The following CEP152 variants were observed in gnomAD, a reference collection of about 807,000 sequenced individuals.
The protein encoded by CEP152 is centrosomal protein 152, also known as centrosomal protein of 152 kDa.
In CEP152, 132 loss-of-function variants were observed where a neutral mutation model predicts 188.9. The ratio of observed to expected loss-of-function variants is 0.70; its 90% CI spans 0.61 to 0.81. CEP152 has a LOEUF of 0.81. CEP152 is among the 30% of genes least tolerant of loss of function. The pLI is 0.00. For missense variants in CEP152, 1,914 were observed against 1,969.8 expected (o/e 0.97, Z 0.54); for synonymous variants, 649 against 666.6 (o/e 0.97, Z 0.41).
rs749225131 is a variant in CEP152, at chr15:48,738,513, A to G, written c.4869T>C (p.Ser1623=). 2.5e-6 allele frequency: 4 copies of G among 1,614,222 alleles called. No homozygotes were observed. The highest frequency in any genetic ancestry group is 3.3e-5 in the Admixed American group (2 of 60,032). ...PSGYLSDTEE[S]NMICQTMKCQ... Reference sequence around the variant, plus strand: ...ATTTCATTGTTTGACAAATCATATTACTTTCCTCTGTATCTGAAAGATAAC... The same window carrying G: ...ATTTCATTGTTTGACAAATCATATTGCTTTCCTCTGTATCTGAAAGATAAC... The change falls in exon 27 of 27, where the codon AGT becomes AGC. Residue 1623 remains serine, a synonymous_variant. Coordinates refer to ENST00000380950, the MANE Select transcript of CEP152 (RefSeq NM_001194998.2).
rs759405983 is a variant in CEP152 at position 48,748,446 on chromosome 15, C to T, written c.3631G>A (p.Gly1211Arg). Residue 1211 changes from glycine (G) to arginine (R), a missense_variant, in exon 22 of 27, where the codon GGA becomes AGA. Gly to Arg is a moderately radical substitution (Grantham distance 125). Coordinates refer to ENST00000380950, the MANE Select transcript of CEP152 (RefSeq NM_001194998.2). ...CAGTGCTACTTTAAATGCTAACCTC[C>T]AATTTTTTCCACTACAGCTTTGTGC... The part of the protein sequence containing the change: ...RKHKAVVEKI[G>R]EENNKVVEEL... The T allele has an allele frequency of 4.1e-5, 62 of 1,528,038 alleles. 1 individual carries two copies. The South Asian group carries it at 6.6e-4, about 16-fold the overall frequency. 94.7% of individuals were successfully genotyped at this position (1,528,038 alleles called of 1,614,324 possible). A position where few individuals can be genotyped will look rare whatever the true frequency, so the allele number is the denominator to read the frequency against.
At chr15:48,794,263 A>G (rs1015828456) in intron 6 of CEP152, among the ~76,000 whole-genome samples, 3 of 152,158 alleles carry the variant, frequency 2.0e-5, no homozygotes, top group Non-Finnish European at 2.9e-5. Flanking sequence ...AAAAGAGAAA[A>G]AAAATGGAAA....
intron 26 of CEP152, 119 bp from the exon 27 acceptor site, chr15:48,739,407 T>C: frequency 7.3e-7 from 1 of 1,373,440 alleles, no homozygotes; most frequent in Non-Finnish European, 9.5e-7. Context: ...TTTTATACTG[T>C]ATTCCCAAAG....
In CEP152 at chr15:48,760,160, T is replaced by C; in HGVS notation, c.2669A>G (p.Gln890Arg). ...VKAEQKKWEE[Q>R]HEVSVNKRIS... is the part of the protein sequence containing the mutation. ...CCTTTTGTTCACAGAGACCTCATGCTGTTCTTCCCACTTTTTCTGTTCTGC... is the reference window on the plus strand; with the variant it reads ...CCTTTTGTTCACAGAGACCTCATGCCGTTCTTCCCACTTTTTCTGTTCTGC... The change falls in exon 19 of 27, where the codon CAG (glutamine) becomes CGG (arginine). Residue 890 changes from glutamine to arginine, a missense_variant. By Grantham distance (43) the Gln-to-Arg change is conservative. Coordinates refer to ENST00000380950, the MANE Select transcript of CEP152 (RefSeq NM_001194998.2). The C allele has an allele frequency of 6.2e-7, 1 of 1,614,086 alleles. No homozygotes were observed. The highest frequency in any genetic ancestry group is 8.5e-7 in the Non-Finnish European group (1 of 1,179,944).
intron 2 of CEP152, among the ~76,000 whole-genome samples, chr15:48,801,225 T>TAA (rs922233503): frequency 1.3e-5 from 2 of 152,170 alleles, no homozygotes; most frequent in African/African-American, 4.8e-5. Context: ...GGATACACGC[T>TAA]AAATGTAAAC....
At position 48,772,469 on chromosome 15, in the gene CEP152, T is replaced by G. The variant is rs373603477; in HGVS notation, c.1782+18A>C. The G allele has an allele frequency of 9.1e-5, 146 of 1,602,988 alleles. No homozygotes were observed. In the African/African-American group the frequency reaches 1.8e-3, roughly 20 times the overall value. ...AGCCTTTTAAAAATGGTTTTTTAAC[T>G]CTATAGGCTTTACATACCTCAACCT... On this transcript the variant is annotated intron_variant, in intron 13 of 26. Coordinates refer to ENST00000380950, the MANE Select transcript of CEP152 (RefSeq NM_001194998.2).
At chr15:48,732,665 TTAGAG>T (rs1459337823) in intron 2 of CEP152, among the ~76,000 whole-genome samples, 1 of 151,166 alleles carries the variant, frequency 6.6e-6, no homozygotes. Flanking sequence ...TTTTTTTTTT[TTAGAG>T]TAAAGGAAAA....
intron 12 of CEP152, 42 bp downstream of exon 12, chr15:48,781,154 A>G: frequency 6.5e-7 from 1 of 1,546,638 alleles, no homozygotes; most frequent in African/African-American, 1.4e-5. Context: ...AGCATTACTA[A>G]TGTTGGTTCT....
At chr15:48,779,520 T>C (rs1896119237) in intron 12 of CEP152, among the ~76,000 whole-genome samples, 1 of 152,244 alleles carries the variant, frequency 6.6e-6, no homozygotes, top group Non-Finnish European at 1.5e-5. Flanking sequence ...CCATCATTTA[T>C]CAAATGATGC....
intron 1 of CEP152, chr15:48,810,263 A>G (rs1430342576): frequency 1.3e-5 from 2 of 152,270 alleles, no homozygotes; most frequent in African/African-American, 4.8e-5. Flanking sequence ...GCCAGAGCAC[A>G]TAGCCCGGTT....
intron 5 of CEP152, 53 bp downstream of exon 5, chr15:48,797,248 C>T (rs186463794): frequency 4.6e-5 from 73 of 1,591,542 alleles, no homozygotes; most frequent in Middle Eastern, 3.3e-4. Context: ...ACAAACATCA[C>T]GCAAATGCGT....
chr15:48,751,729 A>G (rs1373892159), intron 21 of CEP152, among the ~76,000 whole-genome samples: 26 of 152,208 alleles, frequency 1.7e-4, no homozygotes, highest in Admixed American at 1.7e-3. Flanking sequence ...AAGGATTTGC[A>G]AATTTCTAGC....
In CEP152 at chr15:48,796,050, T is replaced by C. The variant is rs372438275; in HGVS notation, c.651A>G (p.Thr217=). The change falls in exon 6 of 27, where the codon ACA becomes ACG. Residue 217 remains threonine, a synonymous_variant. Transcript: ENST00000380950. ...AAAATTGTTGTTGCAGGCCTTCGAA[T>C]GTGTCACTTCCTGTTATCTCCTGGG... ...SPAQEITGSD[T]FEGLQQQFLG... is the part of the protein sequence containing the mutation. 35 of 1,614,014 alleles carry C rather than the reference T, an allele frequency of 2.2e-5. No homozygotes were observed. In the African/African-American group the frequency reaches 3.9e-4, roughly 18 times the overall value.
At chr15:48,749,578 G>A (rs1304790639) in intron 21 of CEP152, among the ~76,000 whole-genome samples, 3 of 151,950 alleles carry the variant, frequency 2.0e-5, no homozygotes, top group Non-Finnish European at 4.4e-5. Flanking sequence ...ATTTTTAGAT[G>A]TAACAACATA....
intron 6 of CEP152, 82 bp from the exon 7 acceptor site, chr15:48,793,543 G>C: frequency 2.4e-6 from 3 of 1,229,114 alleles, no homozygotes; most frequent in Non-Finnish European, 3.5e-6. Context: ...TTTTCAAACT[G>C]TGACTACAAC....
At position 48,756,308 on chromosome 15, in the gene CEP152, C is replaced by T. The variant is rs1894259227; in HGVS notation, c.2940G>A (p.Arg980=). 6.3e-7 allele frequency: 1 copy of T among 1,575,246 alleles called. No homozygotes were observed. The highest frequency in any genetic ancestry group is 1.4e-5 in the African/African-American group (1 of 72,942). The change falls in exon 20 of 27, where the codon CGG becomes CGA. Residue 980 remains arginine, a synonymous_variant. Coordinates refer to ENST00000380950, the MANE Select transcript of CEP152 (RefSeq NM_001194998.2). ...RIQEQNEQDY[R]QFLDDHRNKI... is the part of the protein sequence containing the mutation. ...TATTTCGGTGATCATCTAAAAATTG[C>T]CGGTAATCTTGCTCATTTTGTTCTT... is the stretch of plus-strand genomic sequence containing the variant.
chr15:48,792,064 C>A (rs1897027225), intron 7 of CEP152, among the ~76,000 whole-genome samples: 1 of 152,158 alleles, frequency 6.6e-6, no homozygotes, highest in Non-Finnish European at 1.5e-5. Flanking sequence ...GCAATCTCGG[C>A]TCACTGCAAG....
chr15:48,748,342 A>G (rs1893613456), intron 22 of CEP152, 101 bp downstream of exon 22: 2 of 1,309,636 alleles, frequency 1.5e-6, no homozygotes, highest in Non-Finnish European at 1.9e-6. Context: ...ATTAATCCCA[A>G]AAGAGGATCA....
intron 2 of CEP152, among the ~76,000 whole-genome samples, chr15:48,730,424 A>C (rs967479474): frequency 8.5e-5 from 13 of 152,216 alleles, no homozygotes; most frequent in Admixed American, 5.2e-4. Context: ...TCTAGAAATG[A>C]GGGGCTAAAT....
Sources: gnomAD v4.1 joint callset for allele counts (sites outside exome capture counted in the v4.1 genomes callset) on GRCh38, gnomAD v4.1.1 for gene constraint, MANE v1.5 for transcripts, NCBI Gene and HGNC (gene_info 2026-07-23, HGNC 2026-07-21) for gene names.